VPS13B: variants seen among roughly 807,000 people sequenced by gnomAD.
VPS13B encodes the protein intermembrane lipid transfer protein VPS13B.
A neutral mutation model predicts 426.4 loss-of-function variants in VPS13B; 285 were observed. The ratio of observed to expected loss-of-function variants is 0.67; its 90% CI spans 0.61 to 0.74. The LOEUF is 0.74. Among genes scored for constraint, VPS13B ranks in the 30% least tolerant of loss-of-function variants. The pLI, the probability that VPS13B is intolerant of heterozygous loss-of-function variation, is 0.00. For missense variants in VPS13B, 4,537 were observed against 4,782.6 expected, an observed-to-expected ratio of 0.95 and a Z score of 1.51; for synonymous variants, 1,676 against 1,676.4, an observed-to-expected ratio of 1.00 and a Z score of 0.01.
chr8:99,642,085 C>G lies in VPS13B; in HGVS notation c.5495C>G (p.Ser1832Cys), dbSNP rs763648748. The change falls in exon 34 of 62, where the codon TCC (serine) becomes TGC (cysteine). Residue 1832 changes from serine (S) to cysteine (C), a missense_variant. Coordinates refer to ENST00000357162, the MANE Select transcript of VPS13B (RefSeq NM_152564.5). ...SLMTYSCMAL[S>C]KSKSQEQKNN... Reference sequence around the variant, plus strand: ...ATGACCTATTCCTGTATGGCCTTATCCAAATCGAAATCACAAGAACAGAAG... The same window carrying G: ...ATGACCTATTCCTGTATGGCCTTATGCAAATCGAAATCACAAGAACAGAAG... The G allele has an allele frequency of 1.2e-6, 2 of 1,614,068 alleles. No individual in the cohort carries two copies. Among genetic ancestry groups the G allele is most frequent in the Non-Finnish European group, 1.7e-6 (2 of 1,180,014 alleles).
At chr8:99,496,767 A>G (rs1167132087) in intron 25 of VPS13B, among the ~76,000 whole-genome samples, 1 of 152,186 alleles carries the variant, frequency 6.6e-6, no homozygotes, top group East Asian at 1.9e-4. Flanking sequence ...ATACTTTCAT[A>G]ACCTGTATGT....
intron 17 of VPS13B, among the ~76,000 whole-genome samples, chr8:99,251,862 TG>T (rs930763701): frequency 6.6e-6 from 1 of 151,950 alleles, no homozygotes; most frequent in Non-Finnish European, 1.5e-5. Context: ...TTTCAAATTT[TG>T]TGTGTAGAGT....
intron 30 of VPS13B, among the ~76,000 whole-genome samples, chr8:99,552,664 G>T (rs1033813862): frequency 6.6e-6 from 1 of 151,774 alleles, no homozygotes; most frequent in African/African-American, 2.4e-5. Context: ...TGAGCATAAG[G>T]AGAACTGTTG....
At chr8:99,655,730 TAAAAGGTTA>T (rs530487294) in intron 34 of VPS13B, among the ~76,000 whole-genome samples, 37 of 152,266 alleles carry the variant, frequency 2.4e-4, no homozygotes, top group Admixed American at 2.0e-3. Context: ...GTTCCAAGCA[TAAAAGGTTA>T]AAAAGAAGAA....
intron 6 of VPS13B, 133 bp downstream of exon 6, chr8:99,111,412 T>A (rs1403348296): frequency 1.5e-5 from 10 of 673,714 alleles, no homozygotes; most frequent in South Asian, 2.7e-5. Context: ...TTTATAAAAA[T>A]TTTATTTATG....
At chr8:99,096,524 G>T in intron 4 of VPS13B, 92 bp downstream of exon 4, 1 of 1,558,430 alleles carries the variant, frequency 6.4e-7, no homozygotes. Flanking sequence ...GGGGGGCTGA[G>T]GCGGGTGGAT....
chr8:99,476,471 C>T (rs1819695812), intron 24 of VPS13B, among the ~76,000 whole-genome samples: 2 of 150,262 alleles, frequency 1.3e-5, no homozygotes, highest in Non-Finnish European at 1.5e-5. Context: ...GTAAGGCAGA[C>T]ATGAAGATGA....
intron 40 of VPS13B, among the ~76,000 whole-genome samples, chr8:99,773,729 A>G (rs141780665): frequency 1.6e-4 from 24 of 152,262 alleles, no homozygotes; most frequent in Non-Finnish European, 3.2e-4. Context: ...TCCAGGAACT[A>G]TTTTCCAGTT....
At chr8:99,225,468 G>A (rs928513014) in intron 17 of VPS13B, among the ~76,000 whole-genome samples, 2 of 151,930 alleles carry the variant, frequency 1.3e-5, no homozygotes, top group Admixed American at 6.6e-5. Context: ...AGTAGAGATG[G>A]GGTTTCACCG....
intron 22 of VPS13B, among the ~76,000 whole-genome samples, chr8:99,440,178 A>T (rs1171960643): frequency 1.3e-5 from 2 of 152,118 alleles, no homozygotes; most frequent in East Asian, 1.9e-4. Context: ...TTGAAACAGA[A>T]AGGATGTTGC....
At chr8:99,538,594 A>G (rs1823388561) in intron 30 of VPS13B, among the ~76,000 whole-genome samples, 1 of 152,184 alleles carries the variant, frequency 6.6e-6, no homozygotes, top group Non-Finnish European at 1.5e-5. Context: ...GTGAGTATCC[A>G]GATATTTTTG....
chr8:99,511,753 CT>C (rs1821801207), intron 29 of VPS13B, among the ~76,000 whole-genome samples: 1 of 152,122 alleles, frequency 6.6e-6, no homozygotes, highest in Admixed American at 6.5e-5. Flanking sequence ...TTCTTCAGGG[CT>C]TTTGCCAGTA....
chr8:99,155,830 G>A (rs1408024961), intron 14 of VPS13B, among the ~76,000 whole-genome samples: 3 of 152,154 alleles, frequency 2.0e-5, no homozygotes, highest in Non-Finnish European at 2.9e-5. Context: ...TCTTCTGGAT[G>A]GGAAGTCATG....
chr8:99,186,261 A>G (rs1433455413), intron 16 of VPS13B, among the ~76,000 whole-genome samples: 4 of 152,098 alleles, frequency 2.6e-5, no homozygotes, highest in South Asian at 2.1e-4. Flanking sequence ...TTTGGTATGA[A>G]TTTATATTGA....
Position 99,507,879 on chromosome 8 carries a change from C to T in VPS13B, c.4224+676C>T. On this transcript the variant is annotated intron_variant, in intron 28 of 61. Coordinates refer to ENST00000357162, the MANE Select transcript of VPS13B (RefSeq NM_152564.5). ...GGTTCGACCCATCAGCAAGCAGGAC[C>T]CTTTCAGTAATTGCTCTGGCTTCTT... is the stretch of plus-strand genomic sequence containing the variant. 1.2e-6 allele frequency: 2 copies of T among 1,613,972 alleles called. No homozygotes were observed. The highest frequency in any genetic ancestry group is 4.5e-5 in the East Asian group (2 of 44,868).
intron 29 of VPS13B, among the ~76,000 whole-genome samples, chr8:99,513,032 C>T (rs1460691373): frequency 6.9e-6 from 1 of 145,954 alleles, no homozygotes; most frequent in South Asian, 2.2e-4. Context: ...AAAAAAAAAA[C>T]CATAATGTTG....
intron 33 of VPS13B, among the ~76,000 whole-genome samples, chr8:99,640,093 A>AG (rs1829291266): frequency 2.0e-5 from 3 of 150,326 alleles, no homozygotes; most frequent in South Asian, 2.1e-4. Flanking sequence ...AAAGAAAAGA[A>AG]AAGAAAAGAA....
At chr8:99,812,860 A>G (rs1813793424) in intron 44 of VPS13B, among the ~76,000 whole-genome samples, 1 of 152,168 alleles carries the variant, frequency 6.6e-6, no homozygotes, top group Non-Finnish European at 1.5e-5. Flanking sequence ...CACTGATCTA[A>G]TAAGAGTTCT....
intron 33 of VPS13B, among the ~76,000 whole-genome samples, chr8:99,637,995 G>A (rs1386374): frequency 0.32 from 49,136 of 151,790 alleles, 8,714 homozygotes; most frequent in East Asian, 0.45. Context: ...ACATTTGACT[G>A]CTTAAGTACT....
Sources: allele counts gnomAD v4.1 joint callset (sites outside exome capture counted in the v4.1 genomes callset), GRCh38; gene constraint gnomAD v4.1.1; transcripts MANE v1.5; gene names NCBI Gene and HGNC (gene_info 2026-07-23, HGNC 2026-07-21).